MYT1L: variants seen among roughly 807,000 people sequenced by gnomAD.
MYT1L encodes the protein myelin transcription factor 1 like.
MYT1L carries 12 observed loss-of-function variants against 126.7 expected under a neutral mutation model. That is an observed-to-expected ratio of 0.09 (90% CI 0.06 to 0.15). The LOEUF (loss-of-function observed/expected upper bound fraction) is 0.15. MYT1L is among the 10% of genes least tolerant of loss of function. The pLI, the probability that MYT1L is intolerant of heterozygous loss-of-function variation, is 1.00. For missense variants in MYT1L, 979 were observed against 1,585.2 expected, an observed-to-expected ratio of 0.62 and a Z score of 6.49; for synonymous variants, 541 against 604.2, an observed-to-expected ratio of 0.90 and a Z score of 1.53.
At chr2:2,274,908 C>T (rs2095328818) in intron 2 of MYT1L, among the ~76,000 whole-genome samples, 2 of 152,146 alleles carry the variant, frequency 1.3e-5, no homozygotes, top group African/African-American at 4.8e-5. Context: ...AGAGCCTCCA[C>T]TCGGAGAGCT....
intron 18 of MYT1L, among the ~76,000 whole-genome samples, chr2:1,855,834 G>A (rs1047115228): frequency 8.6e-5 from 13 of 151,736 alleles, no homozygotes; most frequent in African/African-American, 2.7e-4. Context: ...TCATGGGTTT[G>A]CCTGAGATTA....
At chr2:2,048,156 G>A (rs2068412816) in intron 4 of MYT1L, among the ~76,000 whole-genome samples, 1 of 152,100 alleles carries the variant, frequency 6.6e-6, no homozygotes. Context: ...GATGCAGTCT[G>A]ATATTCAAAA....
chr2:2,055,063 T>C (rs1188772232), intron 3 of MYT1L, among the ~76,000 whole-genome samples: 2 of 152,210 alleles, frequency 1.3e-5, no homozygotes, highest in African/African-American at 2.4e-5. Flanking sequence ...TCATTCCTTA[T>C]AGAAAAACCT....
intron 3 of MYT1L, among the ~76,000 whole-genome samples, chr2:2,147,538 C>A (rs2085063954): frequency 6.6e-6 from 1 of 152,254 alleles, no homozygotes; most frequent in Non-Finnish European, 1.5e-5. Context: ...CGAGAACCCA[C>A]AGCTGACTGT....
chr2:2,185,308 C>T (rs1274834550), intron 2 of MYT1L, among the ~76,000 whole-genome samples: 1 of 152,252 alleles, frequency 6.6e-6, no homozygotes, highest in Non-Finnish European at 1.5e-5. Flanking sequence ...TGTAACTAGT[C>T]ATTCAGTACT....
chr2:1,973,014 C>T (rs767756749), intron 8 of MYT1L, among the ~76,000 whole-genome samples: 1 of 152,068 alleles, frequency 6.6e-6, no homozygotes, highest in Non-Finnish European at 1.5e-5. Flanking sequence ...CTAAGTTCAA[C>T]AAACAAATCA....
Position 1,793,214 on chromosome 2 carries a change from G to A in MYT1L, c.3277-750C>T, listed in dbSNP as rs561553383. Among the ~76,000 whole-genome samples the A allele has an allele frequency of 6.6e-6, 1 of 152,280 alleles. No homozygotes were observed. Among genetic ancestry groups the A allele is most frequent in the African/African-American group, 2.4e-5 (1 of 41,572 alleles). The stretch of plus-strand genomic sequence containing the variant: ...TTCTCTAAGGAAAAAGGCCCACCAC[G>A]GACCCTTCCTCGCATATTCCAGAGA... On this transcript the variant is annotated intron_variant, in intron 23 of 24. Coordinates refer to ENST00000647738, the MANE Select transcript of MYT1L (RefSeq NM_001303052.2). The surrounding 1 kb of genome is among the most constrained non-coding windows in gnomAD (Gnocchi z 4.6).
intron 2 of MYT1L, among the ~76,000 whole-genome samples, chr2:2,174,545 C>G (rs957313716): frequency 3.3e-5 from 5 of 152,144 alleles, no homozygotes; most frequent in Admixed American, 2.6e-4. Flanking sequence ...CAGAGACAGA[C>G]GTGACAGCGC....
intron 14 of MYT1L, among the ~76,000 whole-genome samples, chr2:1,901,813 C>T (rs1404083730): frequency 1.3e-5 from 2 of 152,190 alleles, no homozygotes; most frequent in African/African-American, 4.8e-5. Flanking sequence ...GCATGAGCCA[C>T]CATGCCCGGC....
intron 8 of MYT1L, among the ~76,000 whole-genome samples, chr2:1,976,947 G>C (rs1000575377): frequency 1.3e-5 from 2 of 152,158 alleles, no homozygotes; most frequent in Admixed American, 1.3e-4. Flanking sequence ...TACGTAAGTT[G>C]TCCAGAGCTA....
At chr2:2,277,496 G>C (rs555792140) in intron 2 of MYT1L, among the ~76,000 whole-genome samples, 1 of 152,308 alleles carries the variant, frequency 6.6e-6, no homozygotes, top group South Asian at 2.1e-4. Flanking sequence ...CCAGAACAGA[G>C]GGAACAGTCA....
chr2:2,151,160 C>T (rs927155671), intron 3 of MYT1L, among the ~76,000 whole-genome samples: 3 of 152,088 alleles, frequency 2.0e-5, no homozygotes, highest in African/African-American at 2.4e-5. Context: ...AGTTATAACT[C>T]GACCAGCTTT....
intron 3 of MYT1L, among the ~76,000 whole-genome samples, chr2:2,104,056 C>A (rs144144476): frequency 6.9e-4 from 105 of 152,294 alleles, no homozygotes; most frequent in African/African-American, 2.2e-3. Context: ...GGATAGTTGA[C>A]AATACAGACT....
chr2:2,177,837 A>C (rs2090992774), intron 2 of MYT1L, among the ~76,000 whole-genome samples: 1 of 152,144 alleles, frequency 6.6e-6, no homozygotes, highest in Admixed American at 6.5e-5. Context: ...ATTCAAGATA[A>C]GATTTGGGTG....
chr2:1,922,594 C>T lies in MYT1L; in HGVS notation c.1175G>A (p.Arg392Gln), dbSNP rs778352465. ...CGCACAGCTGGCAAACACTCTCGACCGGGGGCTCAACTGCTCCTCCAGCCG... is the reference window on the plus strand; with the variant it reads ...CGCACAGCTGGCAAACACTCTCGACTGGGGGCTCAACTGCTCCTCCAGCCG... ...LMRLEEQLSP[R>Q]SRVFASCAKE... Residue 392 changes from arginine to glutamine, a missense_variant, in exon 10 of 25, where the codon CGG becomes CAG. Transcript: ENST00000647738. This position sits in a 1 kb window ranked among gnomAD's most constrained non-coding sequence, Gnocchi z 7.4. 30 of 1,613,958 alleles carry T rather than the reference C, an allele frequency of 1.9e-5. No individual in the cohort carries two copies. The highest frequency in any genetic ancestry group is 4.5e-5 in the East Asian group (2 of 44,874).
At chr2:1,804,414 G>A (rs565377797) in intron 22 of MYT1L, among the ~76,000 whole-genome samples, 18 of 152,158 alleles carry the variant, frequency 1.2e-4, no homozygotes, top group Admixed American at 5.2e-4. Flanking sequence ...GAGCCACCGC[G>A]CCCAGCCACA....
intron 21 of MYT1L, chr2:1,824,322 C>G (rs2038994622): frequency 6.6e-6 from 1 of 152,246 alleles, no homozygotes; most frequent in Non-Finnish European, 1.5e-5. Context: ...CCCAGCAGAG[C>G]AGGGCGGTGC....
At chr2:1,903,954 T>C (rs2195904) in intron 13 of MYT1L, among the ~76,000 whole-genome samples, 54,785 of 151,184 alleles carry the variant, frequency 0.36, 12,075 homozygotes, top group African/African-American at 0.63. Context: ...TGTGTGCGCG[T>C]GCGCGCGTGT....
intron 3 of MYT1L, among the ~76,000 whole-genome samples, chr2:2,167,866 G>T (rs2089412573): frequency 6.6e-6 from 1 of 152,170 alleles, no homozygotes; most frequent in Non-Finnish European, 1.5e-5. Flanking sequence ...CAGCTTTTCT[G>T]CAGAATTCTC....
Sources: allele counts gnomAD v4.1 joint callset (sites outside exome capture counted in the v4.1 genomes callset), GRCh38; gene constraint gnomAD v4.1.1; non-coding constraint Gnocchi (gnomAD v3.1); transcripts MANE v1.5; gene names NCBI Gene and HGNC (gene_info 2026-07-23, HGNC 2026-07-21).